CLGN: variants seen among roughly 807,000 people sequenced by gnomAD.
The protein encoded by CLGN is calmegin, also known as testis tissue sperm-binding protein Li 79P.
CLGN carries 62 observed loss-of-function variants against 79.1 expected under a neutral mutation model. The observed-to-expected ratio is 0.78, with a 90% CI of 0.64 to 0.97. CLGN has a LOEUF of 0.97. Ranked by LOEUF, CLGN falls within the 50% of genes least tolerant of loss-of-function variation. The pLI, the probability that CLGN is intolerant of heterozygous loss-of-function variation, is 0.00. For missense variants in CLGN, 647 were observed against 715.5 expected, an observed-to-expected ratio of 0.90 and a Z score of 1.09; for synonymous variants, 225 against 224.7, an observed-to-expected ratio of 1.00 and a Z score of -0.01.
intron 13 of CLGN, among the ~76,000 whole-genome samples, 168 bp downstream of exon 13, chr4:140,392,051 G>A (rs1384665497): frequency 6.6e-6 from 1 of 151,920 alleles, no homozygotes; most frequent in Non-Finnish European, 1.5e-5. Context: ...AAACAGGGTG[G>A]CTGCTCAGAG....
intron 4 of CLGN, among the ~76,000 whole-genome samples, chr4:140,407,925 C>T (rs757468711): frequency 3.9e-5 from 6 of 152,070 alleles, no homozygotes; most frequent in South Asian, 2.1e-4. Flanking sequence ...CATTACCTGA[C>T]TTCAAATTAT....
intron 8 of CLGN, among the ~76,000 whole-genome samples, chr4:140,398,394 C>T (rs1251496957): frequency 6.6e-6 from 1 of 151,454 alleles, no homozygotes; most frequent in African/African-American, 2.4e-5. Context: ...CTCAGCCTCC[C>T]GAGTAGCTGG....
At chr4:140,425,622 C>CTTTTTTTTTT (rs60198755) in intron 1 of CLGN, among the ~76,000 whole-genome samples, 6 of 97,192 alleles carry the variant, frequency 6.2e-5, no homozygotes, top group African/African-American at 1.3e-4. Context: ...TTTGTAATTC[C>CTTTTTTTTTT]TTTTTTTTTT....
rs772112043 is a variant in CLGN at position 140,392,372 on chromosome 4, G to GT, written c.1497dup (p.His500ThrfsTer2). ...GTTTTTTTATACTCTGTATCTTTATGTTTTTTCTGTGGTAGTTAACATAAG... is the reference window on the plus strand; with the variant it reads ...GTTTTTTTATACTCTGTATCTTTATGTTTTTTTCTGTGGTAGTTAACATAAG... On this transcript the variant is annotated frameshift_variant, in exon 13 of 15. Transcript: ENST00000325617. LOFTEE classifies it high-confidence loss of function. 8 of 1,586,432 alleles carry GT rather than the reference G, an allele frequency of 5.0e-6. No homozygotes were observed. In the African/African-American group the frequency reaches 5.5e-5, roughly 11 times the overall value.
intron 1 of CLGN, among the ~76,000 whole-genome samples, chr4:140,423,372 T>G (rs932277760): frequency 1.3e-5 from 2 of 152,202 alleles, no homozygotes; most frequent in Admixed American, 1.3e-4. Context: ...TCCTTGAATT[T>G]TAGGAATAAA....
intron 8 of CLGN, among the ~76,000 whole-genome samples, chr4:140,396,874 CATATAT>C (rs759900454): frequency 4.6e-5 from 5 of 109,540 alleles, no homozygotes; most frequent in African/African-American, 1.9e-4. Context: ...TATATATATA[CATATAT>C]ATATATATAT....
Position 140,394,033 on chromosome 4 carries a change from C to T in CLGN, c.1158G>A (p.Trp386Ter). Reference sequence around the variant, plus strand: ...CTGGATTAGGAATTTTTCGAGGACTCCAGATTCCCTGGAAGAAAAGTAATT... The same window carrying T: ...CTGGATTAGGAATTTTTCGAGGACTTCAGATTCCCTGGAAGAAAAGTAATT... ...LVDNPNYQGIWSPRKIPNPDY... is the reference protein window; with the variant it reads ...LVDNPNYQGI The change falls in exon 11 of 15, where the codon TGG becomes TGA. Residue 386 changes from tryptophan to a stop codon, truncating the protein, a stop_gained. Coordinates refer to ENST00000325617, the MANE Select transcript of CLGN (RefSeq NM_004362.3). LOFTEE classifies it high-confidence loss of function. The T allele has an allele frequency of 6.2e-7, 1 of 1,606,936 alleles. No homozygotes were observed.
intron 14 of CLGN, among the ~76,000 whole-genome samples, 157 bp downstream of exon 14, chr4:140,390,471 C>T (rs1050054544): frequency 3.3e-5 from 5 of 151,572 alleles, no homozygotes; most frequent in African/African-American, 1.2e-4. Context: ...ATTTTTCTTT[C>T]CTTCCTTATG....
At chr4:140,395,161 T>G (rs1728848834) in intron 10 of CLGN, among the ~76,000 whole-genome samples, 1 of 150,970 alleles carries the variant, frequency 6.6e-6, no homozygotes, top group Non-Finnish European at 1.5e-5. Flanking sequence ...GTTTTTTTGT[T>G]TTTTTGTTTT....
intron 1 of CLGN, among the ~76,000 whole-genome samples, chr4:140,419,312 C>G (rs911195594): frequency 9.2e-5 from 14 of 151,794 alleles, no homozygotes; most frequent in Admixed American, 4.6e-4. Context: ...ATGTAACTAA[C>G]CTGCACAATG....
intron 13 of CLGN, among the ~76,000 whole-genome samples, chr4:140,390,937 A>G (rs985812463): frequency 6.6e-6 from 1 of 151,842 alleles, no homozygotes; most frequent in Non-Finnish European, 1.5e-5. Context: ...TTTGGGGACA[A>G]GTTTAAAAAA....
At chr4:140,408,672 A>C (rs980989584) in intron 4 of CLGN, among the ~76,000 whole-genome samples, 10 of 151,944 alleles carry the variant, frequency 6.6e-5, no homozygotes, top group Admixed American at 2.0e-4. Context: ...AAGTCAAAAA[A>C]CAATTGGCAT....
intron 1 of CLGN, among the ~76,000 whole-genome samples, chr4:140,419,395 C>G (rs1045149323): frequency 6.6e-6 from 1 of 151,800 alleles, no homozygotes; most frequent in Non-Finnish European, 1.5e-5. Flanking sequence ...AGTTATCAAA[C>G]ACAAATAATA....
chr4:140,399,853 G>A (rs1006602525), intron 7 of CLGN, among the ~76,000 whole-genome samples: 3 of 152,068 alleles, frequency 2.0e-5, no homozygotes, highest in Admixed American at 6.6e-5. Flanking sequence ...TTCTCCTTTC[G>A]AAGTACATGC....
chr4:140,398,774 G>A, intron 8 of CLGN, 77 bp downstream of exon 8: 2 of 1,256,178 alleles, frequency 1.6e-6, no homozygotes, highest in South Asian at 2.6e-5. Flanking sequence ...AACTTCATGG[G>A]TTGTAAACTT....
At chr4:140,398,075 T>C (rs1728927791) in intron 8 of CLGN, among the ~76,000 whole-genome samples, 2 of 152,192 alleles carry the variant, frequency 1.3e-5, no homozygotes, top group African/African-American at 4.8e-5. Flanking sequence ...TAATCAACTT[T>C]ACAAATGTAT....
intron 6 of CLGN, 144 bp from the exon 7 acceptor site, chr4:140,400,693 T>C (rs1728983263): frequency 5.3e-6 from 3 of 561,128 alleles, no homozygotes; most frequent in Non-Finnish European, 9.1e-6. Context: ...CAAGTGACAA[T>C]AAAGGACATG....
chr4:140,404,484 T>C (rs1472213940), intron 5 of CLGN, among the ~76,000 whole-genome samples: 1 of 152,224 alleles, frequency 6.6e-6, no homozygotes, highest in Non-Finnish European at 1.5e-5. Context: ...AGCAGCTTTA[T>C]AGTAAAGTTA....
At chr4:140,390,554 C>A in intron 14 of CLGN, 74 bp downstream of exon 14, 2 of 936,350 alleles carry the variant, frequency 2.1e-6, no homozygotes, top group Non-Finnish European at 3.1e-6. Flanking sequence ...TTTCATAAAT[C>A]ATATTGGTGC....
Sources: allele counts gnomAD v4.1 joint callset (sites outside exome capture counted in the v4.1 genomes callset), GRCh38; gene constraint gnomAD v4.1.1; transcripts MANE v1.5; gene names NCBI Gene and HGNC (gene_info 2026-07-23, HGNC 2026-07-21).